Variants in KALRN observed in about 807,000 individuals in gnomAD.
KALRN encodes the protein kalirin RhoGEF kinase, also known as kalirin.
In KALRN, 70 loss-of-function variants were observed where a neutral mutation model predicts 353.7. The observed-to-expected ratio is 0.20, with a 90% CI of 0.16 to 0.24. The LOEUF is 0.24. Among genes scored for constraint, KALRN ranks in the 10% least tolerant of loss-of-function variants. The pLI, the probability that KALRN is intolerant of heterozygous loss-of-function variation, is 1.00. For missense variants in KALRN, 2,791 were observed against 3,756.7 expected (o/e 0.74, Z 6.72); for synonymous variants, 1,391 against 1,434.8 (o/e 0.97, Z 0.69).
At chr3:124,210,321 T>A (rs1579428123) in intron 1 of KALRN, among the ~76,000 whole-genome samples, 2 of 152,338 alleles carry the variant, frequency 1.3e-5, no homozygotes. Flanking sequence ...GAAATCAGGA[T>A]GCATCTTATA....
At chr3:124,703,254 A>G (rs926739973) in intron 57 of KALRN, among the ~76,000 whole-genome samples, 1 of 152,154 alleles carries the variant, frequency 6.6e-6, no homozygotes, top group African/African-American at 2.4e-5. Flanking sequence ...TTCATCAAAA[A>G]CAAACTCTAC....
At position 124,678,845 on chromosome 3, in the gene KALRN, G is replaced by A. The variant is rs193189353; in HGVS notation, c.7317+532G>A. 9.2e-5 allele frequency among the ~76,000 whole-genome samples: 14 copies of A among 152,258 alleles called. No individual in the cohort carries two copies. In the East Asian group the frequency reaches 2.7e-3, roughly 29 times the overall value. The stretch of plus-strand genomic sequence containing the variant: ...CACAGTAGGGGGGCACATTGGTGAA[G>A]CCCAAATTATTTCTTTAAATAATCC... On this transcript the variant is annotated intron_variant, in intron 50 of 59. Coordinates refer to ENST00000682506, the MANE Select transcript of KALRN (RefSeq NM_001388419.1).
chr3:124,315,285 T>C (rs925147779), intron 6 of KALRN, among the ~76,000 whole-genome samples: 3 of 152,156 alleles, frequency 2.0e-5, no homozygotes, highest in Non-Finnish European at 1.5e-5. Context: ...GTTTGGGGAT[T>C]GGTTCCTATT....
rs747087120 is a variant in KALRN at position 124,227,663 on chromosome 3, G to GTTTTTTTTTTTT, written c.74-296_74-285dup. Among the ~76,000 whole-genome samples the GTTTTTTTTTTTT allele has an allele frequency of 3.2e-4, 22 of 69,260 alleles. 4 individuals carry two copies. The highest frequency in any genetic ancestry group is 4.6e-4 in the African/African-American group (9 of 19,498). The allele number at this position is 69,260 out of a possible 152,430, so 45.4% of individuals were successfully genotyped here. On this transcript the variant is annotated intron_variant, in intron 1 of 59. Coordinates refer to ENST00000682506, the MANE Select transcript of KALRN (RefSeq NM_001388419.1). ...CAAGTTGCTCAATAGCAACAGGGCT[G>GTTTTTTTTTTTT]TTTTTTTTTTTTTTTTTTTTTTTTT...
intron 49 of KALRN, among the ~76,000 whole-genome samples, chr3:124,676,518 G>A (rs1247429817): frequency 6.6e-6 from 1 of 152,156 alleles, no homozygotes; most frequent in African/African-American, 2.4e-5. Context: ...GTTCTTCTGG[G>A]AAGAATATGA....
chr3:124,326,069 C>T lies in KALRN; in HGVS notation c.1182C>T (p.Ile394=), dbSNP rs1401950608. 3 of 1,613,828 alleles carry T rather than the reference C, an allele frequency of 1.9e-6. No individual in the cohort carries two copies. The highest frequency in any genetic ancestry group is 2.5e-6 in the Non-Finnish European group (3 of 1,179,906). ...GHYASQQIKQ[I]STQLDQEWKS... is the part of the protein sequence containing the mutation. ...ATGCCTCACAACAAATCAAGCAGAT[C>T]TCCACCCAGCTGGACCAGGAGTGGA... Residue 394 remains isoleucine (I), a synonymous_variant, in exon 7 of 60, where the codon ATC becomes ATT. Transcript: ENST00000682506.
chr3:124,665,407 G>A (rs1210998363), intron 45 of KALRN, among the ~76,000 whole-genome samples: 1 of 152,084 alleles, frequency 6.6e-6, no homozygotes, highest in Non-Finnish European at 1.5e-5. Context: ...GGTGTCAGGT[G>A]GCCTAGTAGC....
chr3:124,240,353 T>C (rs1168877455), intron 3 of KALRN, among the ~76,000 whole-genome samples: 1 of 152,110 alleles, frequency 6.6e-6, no homozygotes, highest in African/African-American at 2.4e-5. Context: ...ACCTGGGTAA[T>C]TTGGGAAGAC....
intron 1 of KALRN, among the ~76,000 whole-genome samples, chr3:124,127,248 G>A (rs766500522): frequency 2.0e-5 from 3 of 152,122 alleles, no homozygotes; most frequent in Non-Finnish European, 4.4e-5. Flanking sequence ...TTTGATTCAG[G>A]TTAGGATTAC....
At position 124,462,586 on chromosome 3, in the gene KALRN, G is replaced by A. The variant is rs2289838; in HGVS notation, c.3984G>A (p.Glu1328=). The A allele has an allele frequency of 1.9e-6, 3 of 1,612,902 alleles. No individual in the cohort carries two copies. Among genetic ancestry groups the A allele is most frequent in the Middle Eastern group, 3.3e-4 (2 of 6,058 alleles). ...EEIPPGILNK[E]HIIFGNIQEI... ...TCCCCCCTGGGATCCTCAATAAAGA[G>A]CATATCATCTTTGGCAACATCCAAG... Residue 1328 remains glutamate, a synonymous_variant, in exon 25 of 60, where the codon GAG becomes GAA. Coordinates refer to ENST00000682506, the MANE Select transcript of KALRN (RefSeq NM_001388419.1).
At chr3:124,668,503 G>A (rs958081618) in intron 47 of KALRN, among the ~76,000 whole-genome samples, 3 of 152,232 alleles carry the variant, frequency 2.0e-5, no homozygotes, top group African/African-American at 7.2e-5. Flanking sequence ...CAGTTTCCCT[G>A]TATTATAAGG....
intron 58 of KALRN, among the ~76,000 whole-genome samples, chr3:124,715,879 ATGCTACC>A (rs2063112934): frequency 4.6e-5 from 7 of 152,176 alleles, no homozygotes; most frequent in Non-Finnish European, 8.8e-5. Flanking sequence ...GCACTTACCT[ATGCTACC>A]AATTATGCTT....
At chr3:124,384,113 A>G (rs1256235223) in intron 10 of KALRN, among the ~76,000 whole-genome samples, 1 of 152,218 alleles carries the variant, frequency 6.6e-6, no homozygotes, top group African/African-American at 2.4e-5. Context: ...AATAATTACA[A>G]GTCGGTTGCC....
chr3:124,386,441 T>G (rs545919802), intron 11 of KALRN, among the ~76,000 whole-genome samples: 2 of 152,230 alleles, frequency 1.3e-5, no homozygotes, highest in African/African-American at 4.8e-5. Context: ...CGGGGTCAGT[T>G]TCCATGGAAC....
At chr3:124,642,858 C>T (rs72966616) in intron 37 of KALRN, among the ~76,000 whole-genome samples, 179 of 111,310 alleles carry the variant, frequency 1.6e-3, no homozygotes, top group African/African-American at 6.4e-3. Flanking sequence ...TTCTTGTTGC[C>T]GAGGCTGGAG....
At chr3:124,131,907 A>G (rs1318940701) in intron 1 of KALRN, among the ~76,000 whole-genome samples, 1 of 152,318 alleles carries the variant, frequency 6.6e-6, no homozygotes, top group African/African-American at 2.4e-5. Context: ...CCTCCTCTGT[A>G]AAATGGGGGA....
At chr3:124,185,978 A>G (rs572448717) in intron 1 of KALRN, among the ~76,000 whole-genome samples, 3 of 152,186 alleles carry the variant, frequency 2.0e-5, no homozygotes, top group Admixed American at 1.3e-4. Context: ...GGTCAAGGGA[A>G]TTGCCCTCTG....
chr3:124,398,509 G>A (rs1310899294), intron 12 of KALRN, among the ~76,000 whole-genome samples, 188 bp from the exon 13 acceptor site: 1 of 152,160 alleles, frequency 6.6e-6, no homozygotes, highest in African/African-American at 2.4e-5. Flanking sequence ...AAGGATGCAT[G>A]TAGCTTTGGT....
Position 124,667,178 on chromosome 3 carries a change from T to A in KALRN, c.6698T>A (p.Leu2233Ter). Residue 2233 changes from leucine (L) to a stop codon, truncating the protein, a stop_gained, in exon 47 of 60, where the codon TTG becomes TAG. Transcript: ENST00000682506. LOFTEE classifies it high-confidence loss of function. ...GTCTTAGAAACACAGCGAGACTTTT[T>A]GAATGGTGGGTGCTGGGCTTGGTTC... is the stretch of plus-strand genomic sequence containing the variant. The part of the protein sequence containing the change: ...NQVLETQRDF[L>*]NALQSPIEYQ... 1 of 1,613,650 alleles carries A rather than the reference T, an allele frequency of 6.2e-7. No homozygotes were observed. Among genetic ancestry groups the A allele is most frequent in the Non-Finnish European group, 8.5e-7 (1 of 1,179,668 alleles).
Sources: allele counts gnomAD v4.1 joint callset (sites outside exome capture counted in the v4.1 genomes callset), GRCh38; gene constraint gnomAD v4.1.1; transcripts MANE v1.5; gene names NCBI Gene and HGNC (gene_info 2026-07-23, HGNC 2026-07-21).